NBN: variants seen among roughly 807,000 people sequenced by gnomAD.
NBN encodes nibrin.
Under a neutral mutation model 90.8 loss-of-function variants are expected in NBN, and 88 were observed. That is an observed-to-expected ratio of 0.97 (90% CI 0.82 to 1.16). NBN has a LOEUF of 1.16. Among genes scored for constraint, NBN ranks in the 50% most tolerant of loss-of-function variants. The pLI is 0.00. For synonymous variants in NBN, 328 were observed against 295.1 expected (o/e 1.11, Z -1.14); for missense variants, 894 against 869.6 (o/e 1.03, Z -0.35).
chr8:89,935,768 T>C (rs1809642623), intron 15 of NBN, 156 bp from the exon 16 acceptor site: 1 of 356,166 alleles, frequency 2.8e-6, no homozygotes, highest in South Asian at 1.1e-4. Flanking sequence ...ACATTTTTAT[T>C]TTCATGTATC....
chr8:89,981,933 G>A (rs1446561177), intron 2 of NBN: 2 of 1,134,862 alleles, frequency 1.8e-6, no homozygotes, highest in Non-Finnish European at 2.3e-6. Flanking sequence ...CGAGGTTATA[G>A]GCTAGTGTTT....
intron 9 of NBN, among the ~76,000 whole-genome samples, chr8:89,957,868 G>T (rs187520053): frequency 2.6e-5 from 4 of 152,048 alleles, no homozygotes; most frequent in Admixed American, 6.6e-5. Context: ...GCGGGCAGAG[G>T]GGGGAATGGT....
rs1809525013 is a variant in NBN at position 89,933,404 on chromosome 8, G to A, written c.*2178C>T. ...CATCTATGCAGCTACAGTAATTCAA[G>A]GCAGTATGGTATGAGTGAGTGCAAG... is the stretch of plus-strand genomic sequence containing the variant. On this transcript the variant is annotated 3_prime_UTR_variant, in exon 16 of 16. Transcript: ENST00000265433. The A allele has an allele frequency of 4.4e-6, 1 of 226,430 alleles. No individual in the cohort carries two copies. Among genetic ancestry groups the A allele is most frequent in the Non-Finnish European group, 8.8e-6 (1 of 113,884 alleles). 14.0% of individuals were successfully genotyped at this position (226,430 alleles called of 1,614,324 possible). A position where few individuals can be genotyped will look rare whatever the true frequency, so the allele number is the denominator to read the frequency against.
At chr8:89,946,480 T>C in intron 12 of NBN, 185 bp from the exon 13 acceptor site, 1 of 586,368 alleles carries the variant, frequency 1.7e-6, no homozygotes. Flanking sequence ...GAAAATTACT[T>C]ACTCAAATGC....
intron 7 of NBN, among the ~76,000 whole-genome samples, chr8:89,964,773 A>AC (rs989533223): frequency 6.6e-6 from 1 of 152,144 alleles, no homozygotes; most frequent in African/African-American, 2.4e-5. Flanking sequence ...AAATTCTACA[A>AC]TTTTTGGAAT....
intron 9 of NBN, 107 bp downstream of exon 9, chr8:89,958,618 A>G (rs1419163899): frequency 7.5e-7 from 1 of 1,336,184 alleles, no homozygotes; most frequent in African/African-American, 1.5e-5. Context: ...CCATTCTTCC[A>G]TGCTTTCTCT....
intron 4 of NBN, among the ~76,000 whole-genome samples, chr8:89,980,473 G>C (rs1812007075): frequency 6.6e-6 from 1 of 150,868 alleles, no homozygotes; most frequent in African/African-American, 2.4e-5. Context: ...TCGGTGGAAG[G>C]ACAACAGAAT....
intron 14 of NBN, among the ~76,000 whole-genome samples, chr8:89,939,830 A>G (rs1429496731): frequency 6.6e-6 from 1 of 152,216 alleles, no homozygotes; most frequent in Non-Finnish European, 1.5e-5. Flanking sequence ...CTAACAAATT[A>G]GGTAAACAAC....
chr8:89,983,431 C>CA (rs35054147), intron 1 of NBN, among the ~76,000 whole-genome samples: 1,298 of 121,264 alleles, frequency 0.011, 6 homozygotes, highest in Non-Finnish European at 0.013. Flanking sequence ...GACTCCGTCT[C>CA]AAAAAAAAAA....
At chr8:89,984,041 G>A (rs1282113777) in intron 1 of NBN, among the ~76,000 whole-genome samples, 2 of 152,162 alleles carry the variant, frequency 1.3e-5, no homozygotes, top group East Asian at 3.8e-4. Flanking sequence ...TTGTTCTGAT[G>A]ACATTGTGGA....
At chr8:89,958,616 C>T in intron 9 of NBN, 109 bp downstream of exon 9, 2 of 1,314,706 alleles carry the variant, frequency 1.5e-6, no homozygotes, top group East Asian at 2.5e-5. Context: ...TCCCATTCTT[C>T]CATGCTTTCT....
intron 14 of NBN, among the ~76,000 whole-genome samples, chr8:89,940,106 G>A (rs1809870429): frequency 6.6e-6 from 1 of 151,936 alleles, no homozygotes; most frequent in Non-Finnish European, 1.5e-5. Context: ...TTATTTTTGA[G>A]ATGTGGCCTT....
intron 7 of NBN, among the ~76,000 whole-genome samples, chr8:89,967,829 T>C (rs1811323664): frequency 6.6e-6 from 1 of 152,236 alleles, no homozygotes; most frequent in African/African-American, 2.4e-5. Flanking sequence ...TGTTGCCCTG[T>C]TGAAGTTCGG....
In NBN at chr8:89,953,589, C is replaced by T. The variant is rs1586054284; in HGVS notation, c.1500G>A (p.Leu500=). 1.9e-6 allele frequency: 3 copies of T among 1,613,612 alleles called. No individual in the cohort carries two copies. Among genetic ancestry groups the T allele is most frequent in the South Asian group, 2.2e-5 (2 of 91,064 alleles). The change falls in exon 11 of 16, where the codon TTG becomes TTA. Residue 500 remains leucine (L), a synonymous_variant. Transcript: ENST00000265433. Reference sequence around the variant, plus strand: ...ATAGATGCTGCTCCTTATTTTTCCACAATGAGGGTGTAGCAGGTTGTGTTT... The same window carrying T: ...ATAGATGCTGCTCCTTATTTTTCCATAATGAGGGTGTAGCAGGTTGTGTTT... The part of the protein sequence containing the change: ...LEQTQPATPS[L]WKNKEQHLSE...
At chr8:89,965,469 C>G (rs934905149) in intron 7 of NBN, among the ~76,000 whole-genome samples, 2 of 151,636 alleles carry the variant, frequency 1.3e-5, no homozygotes, top group Non-Finnish European at 2.9e-5. Context: ...TACAAAATGT[C>G]TTCAATACTC....
chr8:89,947,078 G>T (rs893007190), intron 12 of NBN, among the ~76,000 whole-genome samples: 4 of 152,032 alleles, frequency 2.6e-5, no homozygotes, highest in African/African-American at 9.7e-5. Flanking sequence ...CAGAAAAAAA[G>T]GTTCATCTGA....
At chr8:89,971,080 A>T in intron 6 of NBN, 93 bp downstream of exon 6, 1 of 1,390,026 alleles carries the variant, frequency 7.2e-7, no homozygotes, top group Non-Finnish European at 9.9e-7. Context: ...AAAATCCCAA[A>T]ATGAAATACG....
At chr8:89,942,722 T>C (rs1023371977) in intron 14 of NBN, among the ~76,000 whole-genome samples, 2 of 151,706 alleles carry the variant, frequency 1.3e-5, no homozygotes, top group Non-Finnish European at 2.9e-5. Context: ...TTGCCAAAAA[T>C]ATAACCCAGG....
At chr8:89,946,457 T>A in intron 12 of NBN, 162 bp from the exon 13 acceptor site, 1 of 640,380 alleles carries the variant, frequency 1.6e-6, no homozygotes. Flanking sequence ...AAATTGTAGC[T>A]AATTCAAGAT....
Sources: allele counts gnomAD v4.1 joint callset (sites outside exome capture counted in the v4.1 genomes callset), GRCh38; gene constraint gnomAD v4.1.1; transcripts MANE v1.5; gene names NCBI Gene and HGNC (gene_info 2026-07-23, HGNC 2026-07-21).